The following APBA2 variants were observed in gnomAD, a reference collection of about 807,000 sequenced individuals.
APBA2 encodes the protein amyloid beta precursor protein binding family A member 2.
A neutral mutation model predicts 75.0 loss-of-function variants in APBA2; 30 were observed. The ratio of observed to expected loss-of-function variants is 0.40; its 90% CI spans 0.30 to 0.54. APBA2 has a LOEUF of 0.54. Ranked by LOEUF, APBA2 falls within the 20% of genes least tolerant of loss-of-function variation. APBA2 has a pLI of 0.49. For synonymous variants in APBA2, 444 were observed against 409.6 expected, an observed-to-expected ratio of 1.08 and a Z score of -1.01; for missense variants, 801 against 1,016.1, an observed-to-expected ratio of 0.79 and a Z score of 2.88.
intron 3 of APBA2, among the ~76,000 whole-genome samples, chr15:29,025,795 A>G (rs1484637265): frequency 6.6e-6 from 1 of 151,936 alleles, no homozygotes. Context: ...CTGCAAAAAT[A>G]CAAAAATTAG....
At chr15:28,892,728 C>A (rs1204256077) in intron 1 of APBA2, among the ~76,000 whole-genome samples, 1 of 150,800 alleles carries the variant, frequency 6.6e-6, no homozygotes, top group Non-Finnish European at 1.5e-5. Flanking sequence ...GTTGGTTTTA[C>A]ATTCCTGGAA....
intron 3 of APBA2, among the ~76,000 whole-genome samples, chr15:29,021,964 C>T (rs945397737): frequency 2.0e-5 from 3 of 152,178 alleles, no homozygotes; most frequent in Non-Finnish European, 4.4e-5. Context: ...CTGTACATGG[C>T]AGGATTTCCT....
intron 3 of APBA2, among the ~76,000 whole-genome samples, chr15:29,034,833 G>A (rs918202112): frequency 6.6e-6 from 1 of 152,206 alleles, no homozygotes; most frequent in East Asian, 1.9e-4. Flanking sequence ...TTCTGTGTTT[G>A]TGGAGTTCCC....
At chr15:29,110,431 G>A (rs941147652) in intron 13 of APBA2, among the ~76,000 whole-genome samples, 3 of 152,204 alleles carry the variant, frequency 2.0e-5, no homozygotes, top group Non-Finnish European at 4.4e-5. Context: ...GAGGCAGGTG[G>A]GCCTGGGTTG....
chr15:29,012,911 C>G (rs1159206226), intron 3 of APBA2, among the ~76,000 whole-genome samples: 1 of 152,198 alleles, frequency 6.6e-6, no homozygotes, highest in African/African-American at 2.4e-5. Flanking sequence ...TCACAAATCC[C>G]CAAATGCCTT....
At chr15:29,001,669 A>G (rs2152802375) in intron 3 of APBA2, among the ~76,000 whole-genome samples, 1 of 152,354 alleles carries the variant, frequency 6.6e-6, no homozygotes, top group Middle Eastern at 3.4e-3. Flanking sequence ...AGAGGCAAAG[A>G]GAGGACAAGG....
chr15:29,117,030 G>A (rs1042166278), intron 14 of APBA2, 32 bp from the exon 15 acceptor site: 3 of 1,608,566 alleles, frequency 1.9e-6, no homozygotes, highest in Non-Finnish European at 2.6e-6. Context: ...AGGTGGGAGG[G>A]CAGCGGCTCA....
chr15:28,975,016 G>GGA (rs369460771), intron 2 of APBA2, among the ~76,000 whole-genome samples: 241 of 151,962 alleles, frequency 1.6e-3, no homozygotes, highest in African/African-American at 5.3e-3. Flanking sequence ...ATCATGAAGG[G>GGA]GAGAGAGAGA....
At chr15:29,000,114 C>A (rs994522576) in intron 3 of APBA2, among the ~76,000 whole-genome samples, 1 of 152,212 alleles carries the variant, frequency 6.6e-6, no homozygotes, top group African/African-American at 2.4e-5. Flanking sequence ...CAATGGTAAC[C>A]GCTTCCAGAA....
intron 1 of APBA2, among the ~76,000 whole-genome samples, chr15:28,905,068 C>T (rs1365169298): frequency 1.3e-5 from 2 of 152,196 alleles, no homozygotes; most frequent in Non-Finnish European, 2.9e-5. Flanking sequence ...TCCCCCAGTT[C>T]CTCAACCGCC....
chr15:28,929,395 G>C (rs1409442180), intron 2 of APBA2, among the ~76,000 whole-genome samples: 1 of 152,144 alleles, frequency 6.6e-6, no homozygotes. Flanking sequence ...GTGAATTTGC[G>C]ACACACATGA....
chr15:29,108,698 C>T (rs914333906), intron 13 of APBA2: 4 of 516,282 alleles, frequency 7.7e-6, no homozygotes, highest in Non-Finnish European at 7.0e-6. Flanking sequence ...GCCACTGTAG[C>T]TTGGACACAA....
chr15:28,999,372 ACT>A (rs2038723199), intron 3 of APBA2, among the ~76,000 whole-genome samples: 1 of 152,126 alleles, frequency 6.6e-6, no homozygotes, highest in Non-Finnish European at 1.5e-5. Flanking sequence ...TGTATCAAGA[ACT>A]CTTTCAAATT....
At position 29,086,923 on chromosome 15, in the gene APBA2, C is replaced by T. The variant is rs148496025; in HGVS notation, c.1070-6152C>T. Among the ~76,000 whole-genome samples the T allele has an allele frequency of 2.0e-4, 30 of 152,302 alleles. No individual in the cohort carries two copies. The East Asian group carries it at 5.4e-3, about 27-fold the overall frequency. ...CAGTTTCTTCCCCTATTTATCCCCC[C>T]ACCTCCCAATTTCTTCCCTTCCACT... On this transcript the variant is annotated intron_variant, in intron 6 of 14. Coordinates refer to ENST00000683413, the MANE Select transcript of APBA2 (RefSeq NM_001353788.2).
At chr15:29,106,368 A>G (rs1326218041) in intron 11 of APBA2, among the ~76,000 whole-genome samples, 1 of 117,896 alleles carries the variant, frequency 8.5e-6, no homozygotes, top group Non-Finnish European at 1.6e-5. Flanking sequence ...CTGTGCTTCC[A>G]GGTTCCCAGG....
At chr15:28,887,384 A>G (rs1362756960) in intron 1 of APBA2, among the ~76,000 whole-genome samples, 2 of 152,288 alleles carry the variant, frequency 1.3e-5, no homozygotes, top group African/African-American at 4.8e-5. Flanking sequence ...TAATGACCCG[A>G]GAGCTTTGCA....
rs563404201 is a variant in APBA2, at chr15:28,896,118, AT to A, written c.-205+9841del. Among the ~76,000 whole-genome samples the A allele has an allele frequency of 9.9e-5, 15 of 152,192 alleles. No individual in the cohort carries two copies. The South Asian group carries it at 2.7e-3, about 27-fold the overall frequency. ...ACAGTGAGAACCTGTCTCAAAAAAA[AT>A]ATCTGATTTGAAGGAGAGGGAGCTC... On this transcript the variant is annotated intron_variant, in intron 1 of 14. Transcript: ENST00000683413.
chr15:29,030,731 G>A (rs1156292624), intron 3 of APBA2, among the ~76,000 whole-genome samples: 2 of 139,000 alleles, frequency 1.4e-5, no homozygotes, highest in Non-Finnish European at 3.1e-5. Flanking sequence ...ATGTGAGTAT[G>A]TGTGTGTGTG....
intron 2 of APBA2, among the ~76,000 whole-genome samples, chr15:28,930,975 C>T (rs2034532173): frequency 6.6e-6 from 1 of 152,216 alleles, no homozygotes; most frequent in South Asian, 2.1e-4. Context: ...TGGTCATGGC[C>T]TCCTGCCTCT....
Sources: allele counts gnomAD v4.1 joint callset (sites outside exome capture counted in the v4.1 genomes callset), GRCh38; gene constraint gnomAD v4.1.1; transcripts MANE v1.5; gene names NCBI Gene and HGNC (gene_info 2026-07-23, HGNC 2026-07-21).